FOXP1: variants seen among roughly 807,000 people sequenced by gnomAD.
The protein encoded by FOXP1 is forkhead box protein P1.
In FOXP1, 15 loss-of-function variants were observed where a neutral mutation model predicts 98.2. The observed-to-expected ratio is 0.15, with a 90% CI of 0.10 to 0.24. The LOEUF is 0.24. FOXP1 is among the 10% of genes least tolerant of loss of function. The pLI is 1.00. For missense variants in FOXP1, 633 were observed against 848.5 expected (o/e 0.75, Z 3.15); for synonymous variants, 371 against 314.5 (o/e 1.18, Z -1.90).
intron 5 of FOXP1, among the ~76,000 whole-genome samples, chr3:71,246,004 C>T (rs930035115): frequency 6.6e-6 from 1 of 151,918 alleles, no homozygotes; most frequent in African/African-American, 2.4e-5. Context: ...AACCACCCCC[C>T]CCCCACCACA....
chr3:71,460,410 T>C (rs545232744), intron 3 of FOXP1, among the ~76,000 whole-genome samples: 2 of 151,846 alleles, frequency 1.3e-5, no homozygotes, highest in South Asian at 4.2e-4. Context: ...CCGCTAATTT[T>C]TGATTTTTTG....
At chr3:71,090,190 C>T (rs983742048) in intron 7 of FOXP1, among the ~76,000 whole-genome samples, 1 of 152,176 alleles carries the variant, frequency 6.6e-6, no homozygotes, top group Admixed American at 6.5e-5. Flanking sequence ...ACCTTGCTCC[C>T]ATCATAAAAC....
intron 3 of FOXP1, among the ~76,000 whole-genome samples, chr3:71,397,034 G>GTATATATATATACACATATATA (rs2081515589): frequency 1.4e-5 from 1 of 71,304 alleles, no homozygotes; most frequent in Non-Finnish European, 2.8e-5. Flanking sequence ...ACATATATAT[G>GTATATATATATACACATATATA]TGTATATATA....
chr3:71,561,048 G>C (rs146199305), intron 2 of FOXP1, among the ~76,000 whole-genome samples: 1 of 152,070 alleles, frequency 6.6e-6, no homozygotes, highest in Non-Finnish European at 1.5e-5. Context: ...CTGTTGAATT[G>C]TGTACTTTTT....
chr3:71,023,220 G>A (rs1045793370), intron 11 of FOXP1, among the ~76,000 whole-genome samples: 7 of 152,146 alleles, frequency 4.6e-5, no homozygotes, highest in Non-Finnish European at 1.0e-4. Context: ...AGACTTCCAT[G>A]TCTCTCTTTG....
chr3:71,565,110 A>T (rs1427821682), intron 2 of FOXP1, among the ~76,000 whole-genome samples: 1 of 152,208 alleles, frequency 6.6e-6, no homozygotes, highest in Non-Finnish European at 1.5e-5. Context: ...AAGAAAAAAG[A>T]AAAATGAAAG....
At chr3:71,293,816 G>C (rs1405240408) in intron 5 of FOXP1, among the ~76,000 whole-genome samples, 1 of 152,130 alleles carries the variant, frequency 6.6e-6, no homozygotes, top group East Asian at 1.9e-4. Context: ...ACGTTTAACT[G>C]TTGAGAGGCC....
At chr3:71,272,691 G>A (rs150541556) in intron 5 of FOXP1, among the ~76,000 whole-genome samples, 14 of 152,224 alleles carry the variant, frequency 9.2e-5, no homozygotes, top group East Asian at 1.9e-4. Flanking sequence ...GCAGTCAAGC[G>A]TTACACCAAA....
intron 3 of FOXP1, among the ~76,000 whole-genome samples, chr3:71,490,982 A>C (rs1356096079): frequency 6.6e-6 from 1 of 151,972 alleles, no homozygotes; most frequent in Non-Finnish European, 1.5e-5. Context: ...TTTGTTCTCA[A>C]CTCTACCTGA....
intron 3 of FOXP1, among the ~76,000 whole-genome samples, chr3:71,375,064 G>A (rs1193633931): frequency 1.3e-5 from 2 of 152,130 alleles, no homozygotes; most frequent in Non-Finnish European, 2.9e-5. Flanking sequence ...CTCTAGCCAC[G>A]TCAAGAGTTA....
At chr3:71,521,067 G>T (rs1293786999) in intron 2 of FOXP1, among the ~76,000 whole-genome samples, 9 of 152,208 alleles carry the variant, frequency 5.9e-5, no homozygotes, top group African/African-American at 2.2e-4. Flanking sequence ...CCATGAAGAT[G>T]ACAGAGAAAT....
At chr3:71,332,244 G>A (rs934550304) in intron 4 of FOXP1, 3 of 155,398 alleles carry the variant, frequency 1.9e-5, no homozygotes, top group African/African-American at 4.8e-5. Context: ...CGGGAGGAAT[G>A]AACAACTCCA....
At chr3:71,364,077 C>A (rs191219139) in intron 3 of FOXP1, among the ~76,000 whole-genome samples, 18 of 152,290 alleles carry the variant, frequency 1.2e-4, no homozygotes, top group Admixed American at 1.0e-3. Context: ...GAGTTAAGCT[C>A]CCGAGCAGCT....
chr3:71,309,702 C>T lies in FOXP1; in HGVS notation c.-72-9822G>A, dbSNP rs923904958. On this transcript the variant is annotated intron_variant, in intron 4 of 20. Coordinates refer to ENST00000649528, the MANE Select transcript of FOXP1 (RefSeq NM_001349338.3). Reference sequence around the variant, plus strand: ...GTTAGAATGCAAAAGTTGATTTTGACACACAAACTAGCATCTTTTGAATTT... The same window carrying T: ...GTTAGAATGCAAAAGTTGATTTTGATACACAAACTAGCATCTTTTGAATTT... 2.0e-5 allele frequency among the ~76,000 whole-genome samples: 3 copies of T among 152,240 alleles called. No individual in the cohort carries two copies. In the East Asian group the frequency reaches 5.8e-4, roughly 29 times the overall value.
At chr3:71,280,719 G>A (rs1478218528) in intron 5 of FOXP1, among the ~76,000 whole-genome samples, 3 of 151,810 alleles carry the variant, frequency 2.0e-5, no homozygotes, top group Non-Finnish European at 2.9e-5. Context: ...CATATTGGAC[G>A]GCCCAGGTCT....
chr3:71,193,199 G>A (rs2063099158), intron 6 of FOXP1, among the ~76,000 whole-genome samples: 1 of 143,232 alleles, frequency 7.0e-6, no homozygotes, highest in Non-Finnish European at 1.5e-5. Flanking sequence ...CCAGGCTGGA[G>A]TGCAGTGGTG....
chr3:71,432,879 G>T, intron 3 of FOXP1, among the ~76,000 whole-genome samples: 1 of 121,836 alleles, frequency 8.2e-6, no homozygotes, highest in Non-Finnish European at 1.8e-5. Context: ...AAAAAAAAAA[G>T]CCCCATGATT....
chr3:71,065,310 A>G (rs556346609), intron 7 of FOXP1, among the ~76,000 whole-genome samples: 161 of 152,216 alleles, frequency 1.1e-3, no homozygotes, highest in Non-Finnish European at 1.7e-3. Context: ...TGAGACTGAC[A>G]AAGAGTTGTC....
intron 5 of FOXP1, among the ~76,000 whole-genome samples, chr3:71,236,665 T>C (rs1196020454): frequency 6.6e-6 from 1 of 151,990 alleles, no homozygotes; most frequent in African/African-American, 2.4e-5. Flanking sequence ...AGCCCAGAAG[T>C]TGGAGACCAG....
Sources: gnomAD v4.1 joint callset for allele counts (sites outside exome capture counted in the v4.1 genomes callset) on GRCh38, gnomAD v4.1.1 for gene constraint, MANE v1.5 for transcripts, NCBI Gene and HGNC (gene_info 2026-07-23, HGNC 2026-07-21) for gene names.